Variants in HSD17B3 observed in about 807,000 individuals in gnomAD.
The protein encoded by HSD17B3 is hydroxysteroid 17-beta dehydrogenase 3.
A neutral mutation model predicts 41.1 loss-of-function variants in HSD17B3; 29 were observed. That is an observed-to-expected ratio of 0.71 (90% CI 0.53 to 0.96). HSD17B3 has a LOEUF of 0.96. HSD17B3 is among the 40% of genes least tolerant of loss of function. The probability of loss-of-function intolerance (pLI) is 0.00; values close to 1 mark genes in which losing one functional copy is unlikely to be tolerated. For missense variants in HSD17B3, 323 were observed against 374.6 expected, an observed-to-expected ratio of 0.86 and a Z score of 1.14; for synonymous variants, 126 against 145.6, an observed-to-expected ratio of 0.87 and a Z score of 0.97.
intron 1 of HSD17B3, 149 bp from the exon 2 acceptor site, chr9:96,298,611 C>A: frequency 1.3e-6 from 1 of 743,594 alleles, no homozygotes; most frequent in Non-Finnish European, 2.4e-6. Flanking sequence ...CCCTTGAAGC[C>A]CCTCACTAAA....
chr9:96,251,490 C>A lies in HSD17B3; in HGVS notation c.386-5G>T, dbSNP rs1045653050. On this transcript the variant is annotated splice_region_variant and splice_polypyrimidine_tract_variant and intron_variant, in intron 4 of 10. Coordinates refer to ENST00000375263, the MANE Select transcript of HSD17B3 (RefSeq NM_000197.2). The stretch of plus-strand genomic sequence containing the variant: ...GAAGCATTCCGACATTGTTGACTGG[C>A]AGAAAGAAGCAAAACAAAAATGTGT... The A allele has an allele frequency of 4.3e-6, 7 of 1,613,732 alleles. No individual in the cohort carries two copies. In the Admixed American group the frequency reaches 6.7e-5, roughly 15 times the overall value.
chr9:96,300,209 G>GACACACACACACACACACACACACAC (rs55707445), intron 1 of HSD17B3, among the ~76,000 whole-genome samples: 4 of 116,310 alleles, frequency 3.4e-5, no homozygotes, highest in Non-Finnish European at 7.1e-5. Context: ...ACCCCAAGAG[G>GACACACACACACACACACACACACAC]ACACACACAC....
chr9:96,268,637 G>A (rs112529255), intron 2 of HSD17B3, among the ~76,000 whole-genome samples: 11 of 152,124 alleles, frequency 7.2e-5, no homozygotes, highest in South Asian at 2.1e-4. Context: ...TTTATGAGGC[G>A]TATGAAAACA....
intron 2 of HSD17B3, among the ~76,000 whole-genome samples, chr9:96,288,113 G>A (rs1333598419): frequency 6.6e-6 from 1 of 152,206 alleles, no homozygotes; most frequent in Non-Finnish European, 1.5e-5. Context: ...TGGCAGCCTA[G>A]GGCTAGGGAT....
Position 96,251,274 on chromosome 9 carries a change from G to C in HSD17B3, c.453+144C>G, listed in dbSNP as rs1836891938. The C allele has an allele frequency of 1.5e-5, 10 of 680,334 alleles. 1 individual carries two copies. The Middle Eastern group carries it at 2.2e-3, about 153-fold the overall frequency. 42.1% of individuals were successfully genotyped at this position (680,334 alleles called of 1,614,324 possible). A position where few individuals can be genotyped will look rare whatever the true frequency, so the allele number is the denominator to read the frequency against. On this transcript the variant is annotated intron_variant, in intron 5 of 10. Coordinates refer to ENST00000375263, the MANE Select transcript of HSD17B3 (RefSeq NM_000197.2). ...TGTGGATCGAGTGCTAAGGTGAAGA[G>C]GAAAGGGGGCCTCAATACATACAGT...
intron 2 of HSD17B3, among the ~76,000 whole-genome samples, chr9:96,266,860 C>T (rs775500521): frequency 2.0e-5 from 3 of 152,064 alleles, no homozygotes; most frequent in Non-Finnish European, 2.9e-5. Flanking sequence ...GATTCCAGAA[C>T]AGCAGGTGGC....
chr9:96,284,893 C>T (rs1051054624), intron 2 of HSD17B3, among the ~76,000 whole-genome samples: 3 of 149,764 alleles, frequency 2.0e-5, no homozygotes, highest in Non-Finnish European at 4.4e-5. Flanking sequence ...GGCTGGAGTG[C>T]AGTGGCGTGA....
At chr9:96,265,271 T>C (rs1214879774) in intron 2 of HSD17B3, among the ~76,000 whole-genome samples, 1 of 152,260 alleles carries the variant, frequency 6.6e-6, no homozygotes, top group South Asian at 2.1e-4. Flanking sequence ...CAATATTATT[T>C]TGCATTTCTT....
intron 1 of HSD17B3, among the ~76,000 whole-genome samples, chr9:96,301,325 T>C (rs1232817868): frequency 6.6e-6 from 1 of 151,248 alleles, no homozygotes; most frequent in Non-Finnish European, 1.5e-5. Flanking sequence ...ACGCCTGTCA[T>C]CCCAGCCGTT....
intron 4 of HSD17B3, 67 bp from the exon 5 acceptor site, chr9:96,251,552 G>A: frequency 7.2e-7 from 1 of 1,398,250 alleles, no homozygotes; most frequent in Non-Finnish European, 1.0e-6. Flanking sequence ...AAAGAACCAT[G>A]TACAAAAAGA....
rs1836821161 is a variant in HSD17B3, at chr9:96,249,803, C to T, written c.454-17G>A. On this transcript the variant is annotated splice_polypyrimidine_tract_variant and intron_variant, in intron 5 of 10. Transcript: ENST00000375263. ...GATGAGGCTCTGTAATAAATAATCA[C>T]AACCACACATCAGCCGGATGATTAG... 6.2e-7 allele frequency: 1 copy of T among 1,614,066 alleles called. No homozygotes were observed. The highest frequency in any genetic ancestry group is 1.3e-5 in the African/African-American group (1 of 75,042).
chr9:96,259,146 C>T (rs938924948), intron 2 of HSD17B3, among the ~76,000 whole-genome samples: 2 of 152,146 alleles, frequency 1.3e-5, no homozygotes, highest in Admixed American at 6.5e-5. Context: ...CAGAATGAGT[C>T]GCATGGCTTC....
chr9:96,262,778 A>G (rs1206089033), intron 2 of HSD17B3, among the ~76,000 whole-genome samples: 1 of 152,146 alleles, frequency 6.6e-6, no homozygotes, highest in Non-Finnish European at 1.5e-5. Flanking sequence ...GTCTGATACT[A>G]ATATTGCTTC....
In HSD17B3 at chr9:96,244,408, G is replaced by C; in HGVS notation, c.607-14C>G. ...GCACACAAACGCCTGGAGCAAGAAGGAGAGACACCTGAGGCCCCAGAGTGA... is the reference window on the plus strand; with the variant it reads ...GCACACAAACGCCTGGAGCAAGAAGCAGAGACACCTGAGGCCCCAGAGTGA... On this transcript the variant is annotated splice_polypyrimidine_tract_variant and intron_variant, in intron 8 of 10. Transcript: ENST00000375263. 5 of 1,614,050 alleles carry C rather than the reference G, an allele frequency of 3.1e-6. No homozygotes were observed. Among genetic ancestry groups the C allele is most frequent in the Non-Finnish European group, 4.2e-6 (5 of 1,179,948 alleles).
Position 96,254,934 on chromosome 9 carries a change from GT to G in HSD17B3, c.210del (p.Lys70AsnfsTer16). On this transcript the variant is annotated frameshift_variant, in exon 3 of 11. Transcript: ENST00000375263. LOFTEE classifies it high-confidence loss of function. ...IGKAYSFELA[K>X]RGLNVVLISR... ...CTAATAAGGACAACATTGAGTCCAC[GT>G]TTTGCTAGCTGAGAGTGGGAGTGAA... The G allele has an allele frequency of 6.2e-7, 1 of 1,613,758 alleles. No individual in the cohort carries two copies. Among genetic ancestry groups the G allele is most frequent in the South Asian group, 1.1e-5 (1 of 90,974 alleles).
At chr9:96,252,613 A>G (rs991799069) in intron 4 of HSD17B3, among the ~76,000 whole-genome samples, 190 bp downstream of exon 4, 7 of 152,028 alleles carry the variant, frequency 4.6e-5, no homozygotes, top group African/African-American at 1.7e-4. Flanking sequence ...ATTCCAAACC[A>G]ATATATAAAT....
intron 2 of HSD17B3, among the ~76,000 whole-genome samples, chr9:96,262,173 T>C (rs2130746065): frequency 6.6e-6 from 1 of 151,956 alleles, no homozygotes; most frequent in East Asian, 1.9e-4. Context: ...ACTATGTGTT[T>C]CTACCTCTGA....
At chr9:96,257,021 C>T (rs1384648562) in intron 2 of HSD17B3, among the ~76,000 whole-genome samples, 1 of 152,232 alleles carries the variant, frequency 6.6e-6, no homozygotes, top group East Asian at 1.9e-4. Context: ...CCCTTCTCTT[C>T]CTGCTGCTCC....
intron 10 of HSD17B3, among the ~76,000 whole-genome samples, chr9:96,238,026 T>C (rs1480339051): frequency 5.9e-5 from 9 of 152,108 alleles, no homozygotes; most frequent in African/African-American, 2.2e-4. Context: ...TCCCAGCTAC[T>C]GCGGAGGCTG....
Sources: gnomAD v4.1 joint callset for allele counts (sites outside exome capture counted in the v4.1 genomes callset) on GRCh38, gnomAD v4.1.1 for gene constraint, MANE v1.5 for transcripts, NCBI Gene and HGNC (gene_info 2026-07-23, HGNC 2026-07-21) for gene names.